Variants in SLIT3 observed in about 807,000 individuals in gnomAD.
SLIT3 encodes the protein slit homolog 3 protein.
A neutral mutation model predicts 184.0 loss-of-function variants in SLIT3; 68 were observed. That is an observed-to-expected ratio of 0.37 (90% CI 0.30 to 0.45). The LOEUF is 0.45. Among genes scored for constraint, SLIT3 ranks in the 20% least tolerant of loss-of-function variants. The pLI is 1.00. For synonymous variants in SLIT3, 831 were observed against 828.6 expected (o/e 1.00, Z -0.05); for missense variants, 1,707 against 2,026.0 (o/e 0.84, Z 3.02).
At position 168,673,283 on chromosome 5, in the gene SLIT3, C is replaced by T. The variant is rs749452642; in HGVS notation, c.3735G>A (p.Thr1245=). Residue 1245 remains threonine, a synonymous_variant, in exon 33 of 36, where the codon ACG becomes ACA. Coordinates refer to ENST00000519560, the MANE Select transcript of SLIT3 (RefSeq NM_003062.4). ...CTACTAGGTTCAGGGTCTGGTTTAG[C>T]GTCACCAGCTCCACACTGTGAAACT... ...DGQFHSVELV[T]LNQTLNLVVD... is the part of the protein sequence containing the mutation. The T allele has an allele frequency of 5.0e-6, 8 of 1,613,966 alleles. No individual in the cohort carries two copies. The highest frequency in any genetic ancestry group is 1.3e-5 in the African/African-American group (1 of 74,860).
chr5:168,812,407 TTTGA>T (rs1392227771), intron 8 of SLIT3, among the ~76,000 whole-genome samples: 3 of 152,248 alleles, frequency 2.0e-5, no homozygotes, highest in Admixed American at 6.5e-5. Context: ...AATCCTCTGA[TTTGA>T]TTTTTACATA....
intron 5 of SLIT3, among the ~76,000 whole-genome samples, chr5:168,865,105 G>A (rs779358937): frequency 1.1e-4 from 17 of 150,046 alleles, no homozygotes; most frequent in South Asian, 1.1e-3. Flanking sequence ...GAGGCGAGGC[G>A]GAGGTTGCAG....
At position 169,164,399 on chromosome 5, in the gene SLIT3, C is replaced by G. The variant is rs548885460; in HGVS notation, c.413+29080G>C. ...GAAGAAGCAGCAGAGTCTGTGGTTCCATTTTACTCAACTGTTTTAAGTAGA... is the reference window on the plus strand; with the variant it reads ...GAAGAAGCAGCAGAGTCTGTGGTTCGATTTTACTCAACTGTTTTAAGTAGA... On this transcript the variant is annotated intron_variant, in intron 4 of 35. Transcript: ENST00000519560. Among the ~76,000 whole-genome samples the G allele has an allele frequency of 5.6e-4, 86 of 152,308 alleles. 1 individual carries two copies. The highest frequency in any genetic ancestry group is 9.1e-4 in the Non-Finnish European group (62 of 68,026).
At position 168,798,220 on chromosome 5, in the gene SLIT3, C is replaced by CTT. The variant is rs575178855; in HGVS notation, c.936-2644_936-2643dup. The stretch of plus-strand genomic sequence containing the variant: ...CTTTTGGTTTTCTTTTCTTCTTCTT[C>CTT]TTCTTTTTTTTTTTTTTTTAAGAGA... On this transcript the variant is annotated intron_variant, in intron 9 of 35. Transcript: ENST00000519560. 5.2e-4 allele frequency among the ~76,000 whole-genome samples: 58 copies of CTT among 112,250 alleles called. 1 individual carries two copies. Among genetic ancestry groups the CTT allele is most frequent in the East Asian group, 1.1e-3 (4 of 3,620 alleles). The allele number at this position is 112,250 out of a possible 152,430, so 73.6% of individuals were successfully genotyped here. A position where few individuals can be genotyped will look rare whatever the true frequency, so the allele number is the denominator to read the frequency against.
chr5:168,735,675 C>T (rs866478667), intron 20 of SLIT3, among the ~76,000 whole-genome samples: 1,898 of 144,162 alleles, frequency 0.013, 10 homozygotes, highest in South Asian at 0.022. Context: ...CACACACACA[C>T]ACACACACAC....
chr5:168,762,817 A>G, intron 14 of SLIT3, 128 bp from the exon 15 acceptor site: 1 of 921,838 alleles, frequency 1.1e-6, no homozygotes, highest in Non-Finnish European at 1.7e-6. Context: ...CAAGTAACAG[A>G]CACGGCATCG....
rs567602865 is a variant in SLIT3, at chr5:169,219,017, A to G, written c.342-25467T>C. Among the ~76,000 whole-genome samples the G allele has an allele frequency of 7.2e-5, 11 of 152,310 alleles. No individual in the cohort carries two copies. The South Asian group carries it at 2.3e-3, about 32-fold the overall frequency. Reference sequence around the variant, plus strand: ...CATCCTCTTAGACTTACAGTTCAAGACAGACAAGATTAGGTCCAGAGCCAA... The same window carrying G: ...CATCCTCTTAGACTTACAGTTCAAGGCAGACAAGATTAGGTCCAGAGCCAA... On this transcript the variant is annotated intron_variant, in intron 3 of 35. Transcript: ENST00000519560.
intron 4 of SLIT3, among the ~76,000 whole-genome samples, chr5:169,160,015 G>A (rs1199339775): frequency 6.6e-6 from 1 of 152,166 alleles, no homozygotes; most frequent in Non-Finnish European, 1.5e-5. Context: ...GGGTCTCTGA[G>A]CACTTGGTAG....
rs910374286 is a variant in SLIT3 at position 169,088,093 on chromosome 5, A to T, written c.413+105386T>A. Among the ~76,000 whole-genome samples, 20 of 152,188 alleles carry T rather than the reference A, an allele frequency of 1.3e-4. 1 individual carries two copies. The highest frequency in any genetic ancestry group is 2.2e-4 in the Non-Finnish European group (15 of 68,030). ...TCTTACAATTCTCTGCATGGTAGCCATTCCCTACCGCTGTTTTCTTGGCCA... is the reference window on the plus strand; with the variant it reads ...TCTTACAATTCTCTGCATGGTAGCCTTTCCCTACCGCTGTTTTCTTGGCCA... On this transcript the variant is annotated intron_variant, in intron 4 of 35. Coordinates refer to ENST00000519560, the MANE Select transcript of SLIT3 (RefSeq NM_003062.4).
chr5:169,275,623 T>C (rs1339416894), intron 1 of SLIT3, among the ~76,000 whole-genome samples: 1 of 152,138 alleles, frequency 6.6e-6, no homozygotes, highest in Admixed American at 6.5e-5. Flanking sequence ...GCACTTCTTA[T>C]ATGACAGCAG....
At chr5:168,699,717 G>C (rs1762161647) in intron 27 of SLIT3, among the ~76,000 whole-genome samples, 1 of 152,220 alleles carries the variant, frequency 6.6e-6, no homozygotes, top group African/African-American at 2.4e-5. Context: ...GTCCATTTCT[G>C]TGTCTCAGCT....
chr5:168,933,861 A>C (rs1210785786), intron 4 of SLIT3, among the ~76,000 whole-genome samples: 6 of 152,202 alleles, frequency 3.9e-5, no homozygotes, highest in Admixed American at 3.9e-4. Flanking sequence ...AGATGATTTA[A>C]GAGGAGGAGC....
intron 4 of SLIT3, among the ~76,000 whole-genome samples, chr5:168,951,332 AT>A (rs1331976261): frequency 3.3e-5 from 5 of 152,294 alleles, no homozygotes; most frequent in African/African-American, 1.2e-4. Context: ...GAAAGGGAAT[AT>A]TATACATAAG....
At chr5:168,730,786 A>G (rs1009531553) in intron 20 of SLIT3, among the ~76,000 whole-genome samples, 4 of 152,124 alleles carry the variant, frequency 2.6e-5, no homozygotes, top group African/African-American at 7.2e-5. Context: ...AAAGATCACA[A>G]ATTAACAACC....
chr5:168,982,180 C>T (rs965134460), intron 4 of SLIT3, among the ~76,000 whole-genome samples: 3 of 152,166 alleles, frequency 2.0e-5, no homozygotes, highest in African/African-American at 7.2e-5. Context: ...TGTATATCTG[C>T]TATGGTTTTT....
intron 4 of SLIT3, among the ~76,000 whole-genome samples, chr5:168,980,093 G>A (rs528821657): frequency 6.6e-6 from 1 of 152,158 alleles, no homozygotes; most frequent in South Asian, 2.1e-4. Flanking sequence ...TAGAGCAGGG[G>A]ACACAGCCCT....
At chr5:168,881,019 C>A (rs1320715173) in intron 5 of SLIT3, among the ~76,000 whole-genome samples, 2 of 152,206 alleles carry the variant, frequency 1.3e-5, no homozygotes, top group Non-Finnish European at 2.9e-5. Flanking sequence ...GCTGACTGAA[C>A]TGATTAGAGG....
At chr5:168,874,490 C>T (rs958583576) in intron 5 of SLIT3, among the ~76,000 whole-genome samples, 1 of 152,222 alleles carries the variant, frequency 6.6e-6, no homozygotes, top group Admixed American at 6.5e-5. Context: ...CAGACTCAAC[C>T]TCTCCTTTTA....
At chr5:169,059,354 T>G (rs1015949206) in intron 4 of SLIT3, among the ~76,000 whole-genome samples, 1 of 152,212 alleles carries the variant, frequency 6.6e-6, no homozygotes, top group African/African-American at 2.4e-5. Flanking sequence ...AGCCGCATTC[T>G]TTAAGCACCA....
Sources: gnomAD v4.1 joint callset for allele counts (sites outside exome capture counted in the v4.1 genomes callset) on GRCh38, gnomAD v4.1.1 for gene constraint, MANE v1.5 for transcripts, NCBI Gene and HGNC (gene_info 2026-07-23, HGNC 2026-07-21) for gene names.